OR8J3: variants seen among roughly 807,000 people sequenced by gnomAD.
OR8J3 encodes the protein olfactory receptor family 8 subfamily J member 3.
For missense variants in OR8J3, 418 were observed against 379.8 expected (o/e 1.10, Z -0.84); for synonymous variants, 170 against 142.6 (o/e 1.19, Z -1.37).
rs371114017 is a variant in OR8J3, at chr11:56,136,734, A to G, written c.*37T>C. On this transcript the variant is annotated 3_prime_UTR_variant, in exon 2 of 2. Coordinates refer to ENST00000642058, the MANE Select transcript of OR8J3 (RefSeq NM_001004064.2). ...TTTCTCTTACATAATGGCAGGTTAC[A>G]TGAACTATCTCTTCATTTATTTATA... 8.5e-7 allele frequency: 1 copy of G among 1,182,864 alleles called. No individual in the cohort carries two copies. Among genetic ancestry groups the G allele is most frequent in the African/African-American group, 1.5e-5 (1 of 65,080 alleles). The allele number at this position is 1,182,864 out of a possible 1,614,324, so 73.3% of individuals were successfully genotyped here.
rs1854329212 is a variant in OR8J3 at position 56,136,291 on chromosome 11, A to C, written c.*480T>G. 1 of 152,110 alleles carries C rather than the reference A, an allele frequency of 6.6e-6. No homozygotes were observed. Among genetic ancestry groups the C allele is most frequent in the Admixed American group, 6.5e-5 (1 of 15,280 alleles). The allele number at this position is 152,110 out of a possible 1,614,324, so 9.4% of individuals were successfully genotyped here. On this transcript the variant is annotated 3_prime_UTR_variant, in exon 2 of 2. Coordinates refer to ENST00000642058, the MANE Select transcript of OR8J3 (RefSeq NM_001004064.2). Reference sequence around the variant, plus strand: ...CTTTATTGTATATTCAAACAATATTAAGAGTTAAAGAGCTTTATTTTAAAT... The same window carrying C: ...CTTTATTGTATATTCAAACAATATTCAGAGTTAAAGAGCTTTATTTTAAAT...
rs1444563735 is a variant in OR8J3 at position 56,135,299 on chromosome 11, A to G, written c.*1472T>C. On this transcript the variant is annotated 3_prime_UTR_variant, in exon 2 of 2. Transcript: ENST00000642058. ...AAAAAAAAATTATGATGGAAATGTA[A>G]TGCACAGTAAAAATGGGAATGAATT... The G allele has an allele frequency of 6.6e-6, 1 of 151,958 alleles. No individual in the cohort carries two copies. Among genetic ancestry groups the G allele is most frequent in the Admixed American group, 6.6e-5 (1 of 15,242 alleles). 9.4% of individuals were successfully genotyped at this position (151,958 alleles called of 1,614,324 possible). A position where few individuals can be genotyped will look rare whatever the true frequency, so the allele number is the denominator to read the frequency against.
chr11:56,136,876 CACCAATG>C lies in OR8J3; in HGVS notation c.836_842del (p.Thr279ArgfsTer5). 6.2e-7 allele frequency: 1 copy of C among 1,613,992 alleles called. No individual in the cohort carries two copies. Among genetic ancestry groups the C allele is most frequent in the Middle Eastern group, 1.7e-4 (1 of 6,058 alleles). On this transcript the variant is annotated frameshift_variant, in exon 2 of 2. Transcript: ENST00000642058. LOFTEE classifies it low-confidence loss of function (END_TRUNC). ...AGATCAAGGGATTCAGCATAGGAAT[CACCAATG>C]TGTAAAACACAGAAGCCATCTTATC...
rs1854331516 is a variant in OR8J3, at chr11:56,136,571, T to C, written c.*200A>G. ...TTCAAACTGGTTACCTGATTATTTCTGGGCAAAGTTAATAAATAATATTTT... is the reference window on the plus strand; with the variant it reads ...TTCAAACTGGTTACCTGATTATTTCCGGGCAAAGTTAATAAATAATATTTT... On this transcript the variant is annotated 3_prime_UTR_variant, in exon 2 of 2. Coordinates refer to ENST00000642058, the MANE Select transcript of OR8J3 (RefSeq NM_001004064.2). 1 of 371,772 alleles carries C rather than the reference T, an allele frequency of 2.7e-6. No homozygotes were observed. The highest frequency in any genetic ancestry group is 4.7e-6 in the Non-Finnish European group (1 of 210,796). The allele number at this position is 371,772 out of a possible 1,614,324, so 23.0% of individuals were successfully genotyped here.
rs1854328051 is a variant in OR8J3, at chr11:56,136,141, A to G, written c.*630T>C. On this transcript the variant is annotated 3_prime_UTR_variant, in exon 2 of 2. Coordinates refer to ENST00000642058, the MANE Select transcript of OR8J3 (RefSeq NM_001004064.2). Reference sequence around the variant, plus strand: ...GATGTTTACAAAGCAAACCCAGTATAAAAGCATATTCAGTGATAGTAGTCT... The same window carrying G: ...GATGTTTACAAAGCAAACCCAGTATGAAAGCATATTCAGTGATAGTAGTCT... The G allele has an allele frequency of 6.6e-6, 1 of 152,078 alleles. No homozygotes were observed. Among genetic ancestry groups the G allele is most frequent in the African/African-American group, 2.4e-5 (1 of 41,448 alleles). The allele number at this position is 152,078 out of a possible 1,614,324, so 9.4% of individuals were successfully genotyped here.
chr11:56,140,117 T>C lies in OR8J3; in HGVS notation c.-780+56A>G, dbSNP rs1046006467. On this transcript the variant is annotated intron_variant, in intron 1 of 1. Transcript: ENST00000642058. The stretch of plus-strand genomic sequence containing the variant: ...TAGGGGCCTTCAACATCTTTGGTGA[T>C]AACCTAGTTTAAACTCTGCCCTTGA... 2.6e-5 allele frequency: 4 copies of C among 152,260 alleles called. No individual in the cohort carries two copies. In the East Asian group the frequency reaches 7.7e-4, roughly 29 times the overall value. 9.4% of individuals were successfully genotyped at this position (152,260 alleles called of 1,614,324 possible). A position where few individuals can be genotyped will look rare whatever the true frequency, so the allele number is the denominator to read the frequency against.
chr11:56,135,951 C>T lies in OR8J3; in HGVS notation c.*820G>A, dbSNP rs1854326331. On this transcript the variant is annotated 3_prime_UTR_variant, in exon 2 of 2. Transcript: ENST00000642058. Reference sequence around the variant, plus strand: ...TGTACACTTACTGATCAAAAACTATCAGAAAAAAAGAACAAAAATTCAAAA... The same window carrying T: ...TGTACACTTACTGATCAAAAACTATTAGAAAAAAAGAACAAAAATTCAAAA... The T allele has an allele frequency of 6.6e-6, 1 of 151,558 alleles. No individual in the cohort carries two copies. Among genetic ancestry groups the T allele is most frequent in the African/African-American group, 2.4e-5 (1 of 41,290 alleles). 9.4% of individuals were successfully genotyped at this position (151,558 alleles called of 1,614,324 possible).
In OR8J3 at chr11:56,135,093, T is replaced by C. The variant is rs1565054945; in HGVS notation, c.*1678A>G. On this transcript the variant is annotated 3_prime_UTR_variant, in exon 2 of 2. Coordinates refer to ENST00000642058, the MANE Select transcript of OR8J3 (RefSeq NM_001004064.2). ...TATTTGGCTACAAACAATTTTATGGTCTTCTAGCATTTCTTCCTAAATCTA... is the reference window on the plus strand; with the variant it reads ...TATTTGGCTACAAACAATTTTATGGCCTTCTAGCATTTCTTCCTAAATCTA... 6.6e-6 allele frequency: 1 copy of C among 152,032 alleles called. No individual in the cohort carries two copies. The highest frequency in any genetic ancestry group is 2.4e-5 in the African/African-American group (1 of 41,438). 9.4% of individuals were successfully genotyped at this position (152,032 alleles called of 1,614,324 possible).
rs1854318501 is a variant in OR8J3 at position 56,135,194 on chromosome 11, G to A, written c.*1577C>T. On this transcript the variant is annotated 3_prime_UTR_variant, in exon 2 of 2. Coordinates refer to ENST00000642058, the MANE Select transcript of OR8J3 (RefSeq NM_001004064.2). ...TGGAACAAATTTTGTTATTAAACAT[G>A]TGGTTATATTATTCCATTGTTCAAT... is the stretch of plus-strand genomic sequence containing the variant. The A allele has an allele frequency of 1.3e-5, 2 of 151,906 alleles. No individual in the cohort carries two copies. 9.4% of individuals were successfully genotyped at this position (151,906 alleles called of 1,614,324 possible).
In OR8J3 at chr11:56,137,023, T is replaced by G. The variant is rs375474573; in HGVS notation, c.696A>C (p.Glu232Asp). 6.5e-5 allele frequency: 105 copies of G among 1,613,828 alleles called. 3 individuals are homozygous for G. In the East Asian group the frequency reaches 2.0e-3, roughly 30 times the overall value. The change falls in exon 2 of 2, where the codon GAA becomes GAC. Residue 232 changes from glutamate to aspartate, a missense_variant. By Grantham distance (45) the Glu-to-Asp change is conservative (BLOSUM62 2). Transcript: ENST00000642058. ...AGGTGGAAAAGGCTTTTTTCCTTCCTTCTGGTGAACGTATCCTTAGAATGG... is the reference window on the plus strand; with the variant it reads ...AGGTGGAAAAGGCTTTTTTCCTTCCGTCTGGTGAACGTATCCTTAGAATGG... Reference protein sequence around the residue: ...VLSILRIRSPEGRKKAFSTCA... With the variant: ...VLSILRIRSPDGRKKAFSTCA...
intron 1 of OR8J3, among the ~76,000 whole-genome samples, chr11:56,139,560 G>A (rs1046824082): frequency 3.9e-5 from 6 of 152,124 alleles, no homozygotes; most frequent in Non-Finnish European, 8.8e-5. Flanking sequence ...CCCTCAGATC[G>A]TGAATATGTT....
At chr11:56,139,069 G>A (rs1854364401) in intron 1 of OR8J3, among the ~76,000 whole-genome samples, 1 of 152,118 alleles carries the variant, frequency 6.6e-6, no homozygotes, top group Admixed American at 6.5e-5. Flanking sequence ...CACTTTCCTA[G>A]AGTTGTATAT....
At chr11:56,139,608 G>A (rs1245544673) in intron 1 of OR8J3, among the ~76,000 whole-genome samples, 1 of 152,174 alleles carries the variant, frequency 6.6e-6, no homozygotes, top group African/African-American at 2.4e-5. Context: ...TGTTAAGAAG[G>A]CATATAAACA....
In OR8J3 at chr11:56,136,629, T is replaced by A. The variant is rs1479287956; in HGVS notation, c.*142A>T. On this transcript the variant is annotated 3_prime_UTR_variant, in exon 2 of 2. Transcript: ENST00000642058. ...TATTACTCTCATAACTCAAAATGTT[T>A]CCATGTATTTTTTTTAATTCAATGA... 5.9e-6 allele frequency: 3 copies of A among 511,884 alleles called. No homozygotes were observed. The East Asian group carries it at 9.6e-5, about 16-fold the overall frequency. The allele number at this position is 511,884 out of a possible 1,614,324, so 31.7% of individuals were successfully genotyped here. A position where few individuals can be genotyped will look rare whatever the true frequency, so the allele number is the denominator to read the frequency against.
Position 56,137,651 on chromosome 11 carries a change from A to G in OR8J3, c.68T>C (p.Leu23Pro). 2 of 1,614,138 alleles carry G rather than the reference A, an allele frequency of 1.2e-6. No individual in the cohort carries two copies. Among genetic ancestry groups the G allele is most frequent in the Non-Finnish European group, 8.5e-7 (1 of 1,180,018 alleles). Residue 23 changes from leucine to proline, a missense_variant, in exon 2 of 2, where the codon CTC becomes CCC. Leu to Pro is a moderately conservative substitution (Grantham distance 98). Transcript: ENST00000642058. ...GAAGACCAGGAAGAGGGGAATCTGG[A>G]GCTCTGGACAGCTAGAGACACCTGT... ...ILTGVSSCPELQIPLFLVFLV... is the reference protein window; with the variant it reads ...ILTGVSSCPEPQIPLFLVFLV...
At chr11:56,140,098 C>T (rs571461744) in intron 1 of OR8J3, 75 bp downstream of exon 1, 1 of 152,318 alleles carries the variant, frequency 6.6e-6, no homozygotes, top group African/African-American at 2.4e-5. Flanking sequence ...AGTATAGGGG[C>T]CTTCAACATC....
chr11:56,135,839 G>A lies in OR8J3; in HGVS notation c.*932C>T, dbSNP rs1418861215. On this transcript the variant is annotated 3_prime_UTR_variant, in exon 2 of 2. Transcript: ENST00000642058. Reference sequence around the variant, plus strand: ...TTTTAATATGAGTTTTTTGACTTTTGCCTTATGATTTTTATTTGATAAGTC... The same window carrying A: ...TTTTAATATGAGTTTTTTGACTTTTACCTTATGATTTTTATTTGATAAGTC... The A allele has an allele frequency of 6.6e-6, 1 of 151,658 alleles. No individual in the cohort carries two copies. The highest frequency in any genetic ancestry group is 1.5e-5 in the Non-Finnish European group (1 of 67,828). The allele number at this position is 151,658 out of a possible 1,614,324, so 9.4% of individuals were successfully genotyped here.
rs757977724 is a variant in OR8J3, at chr11:56,136,881, A to G, written c.838T>C (p.Leu280=). 4 of 1,613,862 alleles carry G rather than the reference A, an allele frequency of 2.5e-6. No individual in the cohort carries two copies. Among genetic ancestry groups the G allele is most frequent in the Admixed American group, 1.7e-5 (1 of 59,996 alleles). ...TDKMASVFYT[L]VIPMLNPLIY... ...AAGGGATTCAGCATAGGAATCACCA[A>G]TGTGTAAAACACAGAAGCCATCTTA... Residue 280 remains leucine (L), a synonymous_variant, in exon 2 of 2, where the codon TTG becomes CTG. Transcript: ENST00000642058.
rs1033642844 is a variant in OR8J3 at position 56,137,850 on chromosome 11, T to G, written c.-132A>C. The G allele has an allele frequency of 2.0e-5, 14 of 704,640 alleles. No homozygotes were observed. The highest frequency in any genetic ancestry group is 3.6e-4 in the Middle Eastern group (1 of 2,792). The allele number at this position is 704,640 out of a possible 1,614,324, so 43.6% of individuals were successfully genotyped here. A position where few individuals can be genotyped will look rare whatever the true frequency, so the allele number is the denominator to read the frequency against. Reference sequence around the variant, plus strand: ...GTGATCTTCTTGTCATGTATTAATCTAATTCAGTTATTAAACTCAGTATTC... The same window carrying G: ...GTGATCTTCTTGTCATGTATTAATCGAATTCAGTTATTAAACTCAGTATTC... On this transcript the variant is annotated 5_prime_UTR_variant, in exon 2 of 2. Transcript: ENST00000642058.
Sources: gnomAD v4.1 joint callset for allele counts (sites outside exome capture counted in the v4.1 genomes callset) on GRCh38, gnomAD v4.1.1 for gene constraint, MANE v1.5 for transcripts, NCBI Gene and HGNC (gene_info 2026-07-23, HGNC 2026-07-21) for gene names.